Variants in SEC61A2 observed in about 807,000 individuals in gnomAD.
SEC61A2 encodes the protein protein transport protein Sec61 subunit alpha isoform 2.
A neutral mutation model predicts 59.9 loss-of-function variants in SEC61A2; 28 were observed. That is an observed-to-expected ratio of 0.47 (90% confidence interval 0.35 to 0.64). The LOEUF (loss-of-function observed/expected upper bound fraction) is 0.64, where lower values mean the gene tolerates loss of function less well. SEC61A2 is among the 30% of genes least tolerant of loss of function. The pLI is 0.01. For missense variants in SEC61A2, 340 were observed against 585.9 expected (o/e 0.58, Z 4.33); for synonymous variants, 202 against 214.4 (o/e 0.94, Z 0.50).
At chr10:12,133,657 A>C (rs147350706) in intron 2 of SEC61A2, among the ~76,000 whole-genome samples, 1 of 152,228 alleles carries the variant, frequency 6.6e-6, no homozygotes, top group Admixed American at 6.5e-5. Flanking sequence ...GATGTCACCT[A>C]CTGGACTAGA....
At chr10:12,146,401 T>C (rs1834138045) in intron 4 of SEC61A2, among the ~76,000 whole-genome samples, 2 of 152,336 alleles carry the variant, frequency 1.3e-5, no homozygotes, top group South Asian at 2.1e-4. Flanking sequence ...GGTTGCACAG[T>C]ACAGGTTTGG....
In SEC61A2 at chr10:12,157,900, T is replaced by G. The variant is rs1834441497; in HGVS notation, c.778-8T>G. ...GCTCCCCCACTTACTCTCCGTTTCC[T>G]TTTTTAGGGATTTCGCGTTGATCTG... On this transcript the variant is annotated splice_polypyrimidine_tract_variant and splice_region_variant and intron_variant, in intron 8 of 11. Transcript: ENST00000298428. The G allele has an allele frequency of 2.3e-5, 37 of 1,613,374 alleles. 1 individual carries two copies. The East Asian group carries it at 8.2e-4, about 36-fold the overall frequency.
At chr10:12,137,258 A>G (rs960407748) in intron 3 of SEC61A2, among the ~76,000 whole-genome samples, 1 of 152,254 alleles carries the variant, frequency 6.6e-6, no homozygotes, top group Middle Eastern at 3.4e-3. Context: ...AAATTTTTGC[A>G]ATCTTGGGTT....
At chr10:12,148,896 A>T (rs1423405663) in intron 4 of SEC61A2, among the ~76,000 whole-genome samples, 3 of 152,160 alleles carry the variant, frequency 2.0e-5, no homozygotes, top group African/African-American at 4.8e-5. Flanking sequence ...ATCTGAGACG[A>T]CATCAAAAAT....
intron 9 of SEC61A2, among the ~76,000 whole-genome samples, chr10:12,159,565 C>T (rs1834483192): frequency 6.6e-6 from 1 of 152,080 alleles, no homozygotes; most frequent in Admixed American, 6.6e-5. Context: ...TGTTACGTGC[C>T]TGTAGTCCTA....
downstream of SEC61A2, chr10:12,169,318 C>G (rs1452980374): frequency 6.4e-7 from 1 of 1,554,102 alleles, no homozygotes; most frequent in African/African-American, 1.4e-5. The surrounding 1 kb of genome is among the most constrained non-coding windows in gnomAD (Gnocchi z 4.8). Flanking sequence ...AAAGGATACT[C>G]TTCTACTAAA....
At position 12,149,777 on chromosome 10, in the gene SEC61A2, G is replaced by A; in HGVS notation, c.352+51G>A. On this transcript the variant is annotated intron_variant, in intron 5 of 11. Coordinates refer to ENST00000298428, the MANE Select transcript of SEC61A2 (RefSeq NM_018144.4). The surrounding 1 kb of genome is among the most constrained non-coding windows in gnomAD (Gnocchi z 5.2). Reference sequence around the variant, plus strand: ...ATTCTCCAAATTTGAGAGTGCTCGTGGTAAAGATGTTTTCTCTAGTCTTTT... The same window carrying A: ...ATTCTCCAAATTTGAGAGTGCTCGTAGTAAAGATGTTTTCTCTAGTCTTTT... 1.2e-6 allele frequency: 2 copies of A among 1,606,300 alleles called. No homozygotes were observed. The highest frequency in any genetic ancestry group is 1.3e-5 in the African/African-American group (1 of 74,616).
At chr10:12,165,750 T>C (rs114584780), downstream of SEC61A2, 1 of 152,324 alleles carries the variant, frequency 6.6e-6, no homozygotes, top group African/African-American at 2.4e-5. Flanking sequence ...TTTAGTTTCT[T>C]AGGTGTGGTA....
chr10:12,149,757 C>T lies in SEC61A2; in HGVS notation c.352+31C>T. 6.2e-7 allele frequency: 1 copy of T among 1,605,926 alleles called. No homozygotes were observed. The highest frequency in any genetic ancestry group is 8.5e-7 in the Non-Finnish European group (1 of 1,175,626). Reference sequence around the variant, plus strand: ...CATTAATGCAATTAAAGAGCATTCTCCAAATTTGAGAGTGCTCGTGGTAAA... The same window carrying T: ...CATTAATGCAATTAAAGAGCATTCTTCAAATTTGAGAGTGCTCGTGGTAAA... On this transcript the variant is annotated intron_variant, in intron 5 of 11. Transcript: ENST00000298428. The surrounding 1 kb of genome is among the most constrained non-coding windows in gnomAD (Gnocchi z 5.2).
chr10:12,154,151 C>A lies in SEC61A2; in HGVS notation c.463-1627C>A, dbSNP rs1339990611. Among the ~76,000 whole-genome samples the A allele has an allele frequency of 6.6e-6, 1 of 152,228 alleles. No homozygotes were observed. The highest frequency in any genetic ancestry group is 6.5e-5 in the Admixed American group (1 of 15,280). Reference sequence around the variant, plus strand: ...GTAGCAGTTAGGGTTCTGGTCCCATCACTGTAGACGCTGCTGTCACTTCCT... The same window carrying A: ...GTAGCAGTTAGGGTTCTGGTCCCATAACTGTAGACGCTGCTGTCACTTCCT... On this transcript the variant is annotated intron_variant, in intron 6 of 11. Coordinates refer to ENST00000298428, the MANE Select transcript of SEC61A2 (RefSeq NM_018144.4). This position sits in a 1 kb window ranked among gnomAD's most constrained non-coding sequence, Gnocchi z 5.2.
In SEC61A2 at chr10:12,152,191, C is replaced by G. The variant is rs1308106479; in HGVS notation, c.462+2230C>G. On this transcript the variant is annotated intron_variant, in intron 6 of 11. Transcript: ENST00000298428. This position sits in a 1 kb window ranked among gnomAD's most constrained non-coding sequence, Gnocchi z 5.5. ...CTCCGCCTCCCAGGTTCAAGCAATT[C>G]TGCCTCAGCCTCCCCGGTAGCTGGA... Among the ~76,000 whole-genome samples the G allele has an allele frequency of 6.6e-6, 1 of 151,892 alleles. No homozygotes were observed. The highest frequency in any genetic ancestry group is 1.9e-4 in the East Asian group (1 of 5,140).
rs60469535 is a variant in SEC61A2, at chr10:12,153,058, C to CA, written c.463-2705dup. ...TGGGCGACAGAGTGAGACTCTGTCT[C>CA]AAAAAAAAAAAAAAAGATTAACTTT... On this transcript the variant is annotated intron_variant, in intron 6 of 11. Transcript: ENST00000298428. This position sits in a 1 kb window ranked among gnomAD's most constrained non-coding sequence, Gnocchi z 5.2. Among the ~76,000 whole-genome samples the CA allele has an allele frequency of 1.6e-3, 208 of 126,780 alleles. No homozygotes were observed. The highest frequency in any genetic ancestry group is 2.1e-3 in the South Asian group (8 of 3,850). The allele number at this position is 126,780 out of a possible 152,430, so 83.2% of individuals were successfully genotyped here. A position where few individuals can be genotyped will look rare whatever the true frequency, so the allele number is the denominator to read the frequency against.
chr10:12,139,457 C>G (rs1346227082), intron 3 of SEC61A2, among the ~76,000 whole-genome samples: 1 of 151,094 alleles, frequency 6.6e-6, no homozygotes, highest in Non-Finnish European at 1.5e-5. Flanking sequence ...TGAGACCAGC[C>G]TGACCAACAT....
chr10:12,143,015 T>G lies in SEC61A2; in HGVS notation c.142-102T>G. ...TCACCCAGGCTGGAGTGCAGTGGCG[T>G]GATCTCAGCTCACTGCAGCCTTTGC... On this transcript the variant is annotated intron_variant, in intron 3 of 11. Transcript: ENST00000298428. This position sits in a 1 kb window ranked among gnomAD's most constrained non-coding sequence, Gnocchi z 4.8. 1 of 829,836 alleles carries G rather than the reference T, an allele frequency of 1.2e-6. No homozygotes were observed. Among genetic ancestry groups the G allele is most frequent in the Non-Finnish European group, 2.1e-6 (1 of 484,226 alleles). The allele number at this position is 829,836 out of a possible 1,614,324, so 51.4% of individuals were successfully genotyped here.
Position 12,147,098 on chromosome 10 carries a change from C to T in SEC61A2, c.221-2497C>T, listed in dbSNP as rs1588637020. On this transcript the variant is annotated intron_variant, in intron 4 of 11. Coordinates refer to ENST00000298428, the MANE Select transcript of SEC61A2 (RefSeq NM_018144.4). ...TAGAGACAGCATCTCACTTTGTTGC[C>T]TAGGCTGCTCTCAAACTCCTGGCCT... 1.3e-5 allele frequency among the ~76,000 whole-genome samples: 2 copies of T among 152,216 alleles called. 1 individual carries two copies. Among genetic ancestry groups the T allele is most frequent in the Middle Eastern group, 6.8e-3 (2 of 294 alleles).
Position 12,164,561 on chromosome 10 carries a change from T to C in SEC61A2, c.*107T>C. 2 of 1,499,734 alleles carry C rather than the reference T, an allele frequency of 1.3e-6. No homozygotes were observed. The highest frequency in any genetic ancestry group is 2.7e-5 in the South Asian group (2 of 73,014). The allele number at this position is 1,499,734 out of a possible 1,614,324, so 92.9% of individuals were successfully genotyped here. A position where few individuals can be genotyped will look rare whatever the true frequency, so the allele number is the denominator to read the frequency against. On this transcript the variant is annotated 3_prime_UTR_variant, in exon 12 of 12. Transcript: ENST00000298428. This position sits in a 1 kb window ranked among gnomAD's most constrained non-coding sequence, Gnocchi z 7.3. ...CCTTTTCTCCCCTCACAGTTTCTTG[T>C]TTCGAGTGCTGACTGACCCGTTTCT...
chr10:12,140,922 T>C (rs1242807406), intron 3 of SEC61A2, among the ~76,000 whole-genome samples: 2 of 151,784 alleles, frequency 1.3e-5, no homozygotes, highest in African/African-American at 4.8e-5. Flanking sequence ...TTTTTTGAGA[T>C]GGAGTCTTGT....
At chr10:12,131,902 G>A (rs79997394) in intron 1 of SEC61A2, among the ~76,000 whole-genome samples, 2,474 of 2,482 alleles carry the variant, frequency 1, 1,233 homozygotes, top group Middle Eastern at 1. Context: ...TCACCATGTT[G>A]GCCAGGCTGG....
intron 1 of SEC61A2, among the ~76,000 whole-genome samples, chr10:12,132,848 C>T (rs751840842): frequency 1.1e-4 from 16 of 151,942 alleles, no homozygotes; most frequent in Middle Eastern, 3.2e-3. Flanking sequence ...CTTTTGACGT[C>T]GTGATGCCCT....
Sources: gnomAD v4.1 joint callset for allele counts (sites outside exome capture counted in the v4.1 genomes callset) on GRCh38, gnomAD v4.1.1 for gene constraint, Gnocchi (gnomAD v3.1) non-coding constraint, MANE v1.5 for transcripts, NCBI Gene and HGNC (gene_info 2026-07-23, HGNC 2026-07-21) for gene names.